The following PDE7A variants were observed in gnomAD, a reference collection of about 807,000 sequenced individuals.
The protein encoded by PDE7A is phosphodiesterase 7A.
In PDE7A, 39 loss-of-function variants were observed where a neutral mutation model predicts 64.3. That is an observed-to-expected ratio of 0.61 (90% confidence interval 0.47 to 0.79). PDE7A has a LOEUF of 0.79. PDE7A is among the 30% of genes least tolerant of loss of function. PDE7A has a pLI of 0.00. For synonymous variants in PDE7A, 203 were observed against 206.8 expected (o/e 0.98, Z 0.16); for missense variants, 470 against 582.8 (o/e 0.81, Z 1.99).
At position 65,825,761 on chromosome 8, in the gene PDE7A, G is replaced by A. The variant is rs114828654; in HGVS notation, c.138+15610C>T. 6.2e-3 allele frequency among the ~76,000 whole-genome samples: 942 copies of A among 152,220 alleles called. 14 individuals are homozygous for A. Among genetic ancestry groups the A allele is most frequent in the African/African-American group, 0.021 (882 of 41,524 alleles). ...AAGTTTTTCTTTATTCTTTTGTAAA[G>A]AACACTTACTATGTGATGTACACTA... On this transcript the variant is annotated intron_variant, in intron 1 of 12. Coordinates refer to ENST00000401827, the MANE Select transcript of PDE7A (RefSeq NM_001242318.3).
intron 1 of PDE7A, among the ~76,000 whole-genome samples, chr8:65,829,406 T>C (rs1810758234): frequency 6.6e-6 from 1 of 152,106 alleles, no homozygotes; most frequent in Non-Finnish European, 1.5e-5. Context: ...CAGAACTGAG[T>C]GTGTTTGTAC....
intron 1 of PDE7A, among the ~76,000 whole-genome samples, chr8:65,808,921 A>G (rs1810175119): frequency 6.6e-6 from 1 of 152,216 alleles, no homozygotes. Context: ...AACTTACAAT[A>G]TGCATTATAA....
intron 1 of PDE7A, among the ~76,000 whole-genome samples, chr8:65,800,209 G>A (rs1026835132): frequency 8.5e-5 from 13 of 152,236 alleles, no homozygotes; most frequent in Admixed American, 1.3e-4. Flanking sequence ...TAAGGAGACA[G>A]TGAAAACTAA....
At chr8:65,750,501 T>TGC (rs1807891063) in intron 3 of PDE7A, among the ~76,000 whole-genome samples, 3 of 143,320 alleles carry the variant, frequency 2.1e-5, no homozygotes, top group Non-Finnish European at 4.5e-5. Flanking sequence ...TGTGTGTGTG[T>TGC]GTCTGTGTGT....
chr8:65,721,082 A>G (rs568756614), intron 12 of PDE7A, among the ~76,000 whole-genome samples: 1 of 152,250 alleles, frequency 6.6e-6, no homozygotes, highest in African/African-American at 2.4e-5. Context: ...TACCTGATAA[A>G]AATGAACAGA....
At chr8:65,808,391 C>T (rs1253225549) in intron 1 of PDE7A, among the ~76,000 whole-genome samples, 1 of 152,032 alleles carries the variant, frequency 6.6e-6, no homozygotes, top group East Asian at 1.9e-4. Context: ...TCTAATAAGA[C>T]TTTACTAGAA....
At chr8:65,838,767 T>G (rs993194477) in intron 1 of PDE7A, 4 of 152,266 alleles carry the variant, frequency 2.6e-5, no homozygotes, top group African/African-American at 9.6e-5. Context: ...GCTTTTGGTG[T>G]GTCTGCTGTC....
At chr8:65,766,265 A>T (rs1259609144) in intron 3 of PDE7A, among the ~76,000 whole-genome samples, 3 of 152,188 alleles carry the variant, frequency 2.0e-5, no homozygotes, top group African/African-American at 4.8e-5. Flanking sequence ...TTTTGACAAA[A>T]AAATCAATAT....
rs1426008282 is a variant in PDE7A at position 65,715,857 on chromosome 8, G to A, written c.*3433C>T. On this transcript the variant is annotated 3_prime_UTR_variant, in exon 13 of 13. Transcript: ENST00000401827. ...AAAAAAATTAGCAGGGCCTGGTGGC[G>A]GGCGCCTGTAGTCCCAGCGACCTGG... Among the ~76,000 whole-genome samples, 16 of 150,416 alleles carry A rather than the reference G, an allele frequency of 1.1e-4. No individual in the cohort carries two copies. Among genetic ancestry groups the A allele is most frequent in the South Asian group, 6.3e-4 (3 of 4,754 alleles).
intron 1 of PDE7A, among the ~76,000 whole-genome samples, chr8:65,801,093 G>T (rs1809974773): frequency 6.6e-6 from 1 of 152,042 alleles, no homozygotes; most frequent in African/African-American, 2.4e-5. Flanking sequence ...TCACAACTTT[G>T]ACTAGTGACT....
intron 1 of PDE7A, among the ~76,000 whole-genome samples, chr8:65,790,960 C>T (rs901324579): frequency 6.6e-6 from 1 of 152,174 alleles, no homozygotes; most frequent in Non-Finnish European, 1.5e-5. Flanking sequence ...GCTTCGAGGT[C>T]ATTCTCTGCC....
chr8:65,788,074 G>A (rs139811265), intron 1 of PDE7A, among the ~76,000 whole-genome samples: 1 of 152,122 alleles, frequency 6.6e-6, no homozygotes, highest in Non-Finnish European at 1.5e-5. Context: ...TACATAGCAG[G>A]TATTAAAATC....
chr8:65,802,990 G>A (rs1030539408), intron 1 of PDE7A, among the ~76,000 whole-genome samples: 6 of 152,108 alleles, frequency 3.9e-5, no homozygotes, highest in African/African-American at 1.4e-4. Flanking sequence ...CACATAATGT[G>A]CCTGTTCCTG....
intron 1 of PDE7A, among the ~76,000 whole-genome samples, chr8:65,828,130 A>G (rs1016069016): frequency 6.6e-6 from 1 of 152,078 alleles, no homozygotes. Flanking sequence ...GATTTCTGAA[A>G]TAGATATATT....
intron 2 of PDE7A, among the ~76,000 whole-genome samples, chr8:65,782,144 A>G (rs1000901220): frequency 6.6e-6 from 1 of 152,240 alleles, no homozygotes; most frequent in African/African-American, 2.4e-5. Flanking sequence ...AGAGACTTCT[A>G]ACAAAAAATG....
intron 5 of PDE7A, among the ~76,000 whole-genome samples, chr8:65,745,136 C>G (rs1250127519): frequency 6.6e-6 from 1 of 152,182 alleles, no homozygotes; most frequent in Non-Finnish European, 1.5e-5. Context: ...TCTCTCTTGC[C>G]TGCCAACATG....
At chr8:65,787,176 C>T (rs1421883065) in intron 1 of PDE7A, among the ~76,000 whole-genome samples, 4 of 152,162 alleles carry the variant, frequency 2.6e-5, no homozygotes, top group South Asian at 2.1e-4. Context: ...TTCCATTACA[C>T]GGTAAGAGTG....
Position 65,734,796 on chromosome 8 carries a change from T to G in PDE7A, c.694A>C (p.Lys232Gln). 1 of 1,559,254 alleles carries G rather than the reference T, an allele frequency of 6.4e-7. No individual in the cohort carries two copies. The highest frequency in any genetic ancestry group is 8.8e-7 in the Non-Finnish European group (1 of 1,130,634). The change falls in exon 7 of 13, where the codon AAG becomes CAG. Residue 232 changes from lysine to glutamine, a missense_variant and splice_region_variant. Physicochemically the swap from Lys to Gln is moderately conservative, Grantham distance 53 (BLOSUM62 1). Coordinates refer to ENST00000401827, the MANE Select transcript of PDE7A (RefSeq NM_001242318.3). The part of the protein sequence containing the change: ...QAMHCYLKEP[K>Q]LANSVTPWDI... ...TGAAATCAATGTCAACCTCTTACCT[T>G]AGGTTCCTTTAAGTAACAGTGCATG...
intron 3 of PDE7A, among the ~76,000 whole-genome samples, chr8:65,771,761 G>C (rs1420467180): frequency 6.6e-6 from 1 of 151,760 alleles, no homozygotes; most frequent in Non-Finnish European, 1.5e-5. Flanking sequence ...TGTAATCCCA[G>C]CTACTTGGGA....
Sources: gnomAD v4.1 joint callset for allele counts (sites outside exome capture counted in the v4.1 genomes callset) on GRCh38, gnomAD v4.1.1 for gene constraint, MANE v1.5 for transcripts, NCBI Gene and HGNC (gene_info 2026-07-23, HGNC 2026-07-21) for gene names.